IMMP2L: variants seen among roughly 807,000 people sequenced by gnomAD.
IMMP2L encodes mitochondrial inner membrane protease subunit 2.
IMMP2L carries 18 observed loss-of-function variants against 19.3 expected under a neutral mutation model. The observed-to-expected ratio is 0.93, with a 90% CI of 0.64 to 1.38. The LOEUF is 1.38. IMMP2L is among the 40% of genes most tolerant of loss of function. The probability of loss-of-function intolerance (pLI) is 0.00; values close to 1 mark genes in which losing one functional copy is unlikely to be tolerated. For synonymous variants in IMMP2L, 76 were observed against 73.0 expected (o/e 1.04, Z -0.21); for missense variants, 233 against 218.2 (o/e 1.07, Z -0.43).
chr7:111,099,034 T>C (rs942266621), intron 3 of IMMP2L, among the ~76,000 whole-genome samples: 3 of 151,762 alleles, frequency 2.0e-5, no homozygotes, highest in African/African-American at 7.2e-5. Flanking sequence ...ATCTGAGTTT[T>C]GCTATCCACT....
intron 3 of IMMP2L, among the ~76,000 whole-genome samples, chr7:111,256,829 C>T (rs1816749777): frequency 6.6e-6 from 1 of 151,902 alleles, no homozygotes; most frequent in African/African-American, 2.4e-5. Context: ...TTCACAATAC[C>T]TGAATTGTAT....
chr7:110,791,271 G>A (rs1398823118), intron 5 of IMMP2L, among the ~76,000 whole-genome samples: 1 of 151,552 alleles, frequency 6.6e-6, no homozygotes. Context: ...CTCTTAGGGA[G>A]CAGCCTTTAA....
chr7:110,946,419 C>T (rs1817255715), intron 4 of IMMP2L, among the ~76,000 whole-genome samples: 1 of 152,064 alleles, frequency 6.6e-6, no homozygotes, highest in Non-Finnish European at 1.5e-5. Context: ...TTACAGTAAA[C>T]TCCCATGTCT....
At chr7:111,425,517 A>C (rs191776210) in intron 3 of IMMP2L, among the ~76,000 whole-genome samples, 1 of 151,186 alleles carries the variant, frequency 6.6e-6, no homozygotes, top group Admixed American at 6.6e-5. Flanking sequence ...ATGCATTATA[A>C]ATAAATAAGA....
At chr7:111,376,347 C>T (rs1047285199) in intron 3 of IMMP2L, among the ~76,000 whole-genome samples, 2 of 151,846 alleles carry the variant, frequency 1.3e-5, no homozygotes, top group African/African-American at 2.4e-5. Context: ...AAATCAAAAC[C>T]ACGAGATACT....
intron 3 of IMMP2L, among the ~76,000 whole-genome samples, chr7:110,986,389 C>G (rs1167759366): frequency 6.6e-6 from 1 of 152,092 alleles, no homozygotes; most frequent in African/African-American, 2.4e-5. Context: ...AAAATTTTAA[C>G]TCAGCATGAG....
At chr7:111,433,197 A>C (rs1195848754) in intron 3 of IMMP2L, among the ~76,000 whole-genome samples, 1 of 151,756 alleles carries the variant, frequency 6.6e-6, no homozygotes, top group African/African-American at 2.4e-5. Context: ...CAGAAGGGGA[A>C]ATGCCAGATG....
intron 5 of IMMP2L, among the ~76,000 whole-genome samples, chr7:110,748,023 T>C (rs1324002083): frequency 6.6e-6 from 1 of 152,232 alleles, no homozygotes. Flanking sequence ...CAAAATCTCC[T>C]TAAGCTGATA....
At chr7:111,323,467 C>T (rs1824967047) in intron 3 of IMMP2L, among the ~76,000 whole-genome samples, 1 of 152,028 alleles carries the variant, frequency 6.6e-6, no homozygotes, top group Non-Finnish European at 1.5e-5. Flanking sequence ...GTTAGAATGA[C>T]AATCATTAAA....
At chr7:111,470,551 T>G (rs1270951433) in intron 3 of IMMP2L, among the ~76,000 whole-genome samples, 3 of 151,566 alleles carry the variant, frequency 2.0e-5, no homozygotes, top group African/African-American at 7.3e-5. Flanking sequence ...CCATAAAAAA[T>G]GATGAGTTCA....
intron 3 of IMMP2L, among the ~76,000 whole-genome samples, chr7:111,270,721 G>A (rs940650633): frequency 1.3e-5 from 2 of 151,900 alleles, no homozygotes; most frequent in African/African-American, 4.8e-5. Context: ...ATTTATGAAC[G>A]GTACGTTTGA....
chr7:110,787,371 AC>A, intron 5 of IMMP2L, among the ~76,000 whole-genome samples: 1 of 152,054 alleles, frequency 6.6e-6, no homozygotes, highest in Non-Finnish European at 1.5e-5. Flanking sequence ...CTCCTGAGCA[AC>A]TGAACTGCTA....
chr7:110,980,739 T>C (rs776488512), intron 3 of IMMP2L, among the ~76,000 whole-genome samples: 38 of 152,242 alleles, frequency 2.5e-4, no homozygotes, highest in Non-Finnish European at 4.3e-4. Context: ...AAAGTTTTGA[T>C]GTTAATTTTT....
chr7:111,089,414 T>G (rs1166912766), intron 3 of IMMP2L, among the ~76,000 whole-genome samples: 1 of 152,080 alleles, frequency 6.6e-6, no homozygotes. Context: ...AAAATTCTCT[T>G]TTTACAAATA....
intron 3 of IMMP2L, among the ~76,000 whole-genome samples, chr7:111,447,441 C>G (rs1838607284): frequency 6.6e-6 from 1 of 150,412 alleles, no homozygotes; most frequent in Non-Finnish European, 1.5e-5. Flanking sequence ...CTCAGAATTT[C>G]ATATCCAGCC....
intron 5 of IMMP2L, among the ~76,000 whole-genome samples, chr7:110,805,365 G>GA (rs1279709098): frequency 6.6e-6 from 1 of 151,914 alleles, no homozygotes; most frequent in African/African-American, 2.4e-5. Context: ...ACAGAACCTA[G>GA]AAAAAATTCC....
At chr7:111,538,511 A>G (rs898335949) in intron 1 of IMMP2L, among the ~76,000 whole-genome samples, 1 of 151,902 alleles carries the variant, frequency 6.6e-6, no homozygotes, top group Non-Finnish European at 1.5e-5. Context: ...ACAGAAAGAA[A>G]TATGTGGGCT....
At chr7:110,776,622 A>C (rs1799406072) in intron 5 of IMMP2L, among the ~76,000 whole-genome samples, 1 of 152,040 alleles carries the variant, frequency 6.6e-6, no homozygotes, top group Non-Finnish European at 1.5e-5. Context: ...TTGTTGACTA[A>C]CTGCACTTGC....
intron 3 of IMMP2L, among the ~76,000 whole-genome samples, chr7:111,016,930 C>CAA (rs1563163685): frequency 0.012 from 1,161 of 97,292 alleles, 11 homozygotes; most frequent in South Asian, 0.02. Flanking sequence ...TTTATATATA[C>CAA]TAATATATAT....
Sources: allele counts gnomAD v4.1 joint callset (sites outside exome capture counted in the v4.1 genomes callset), GRCh38; gene constraint gnomAD v4.1.1; transcripts MANE v1.5; gene names NCBI Gene and HGNC (gene_info 2026-07-23, HGNC 2026-07-21).